CEACAM4: variants seen among roughly 807,000 people sequenced by gnomAD.
CEACAM4 encodes the protein cell adhesion molecule CEACAM4.
In CEACAM4, 30 loss-of-function variants were observed where a neutral mutation model predicts 28.7. The ratio of observed to expected loss-of-function variants is 1.05; its 90% CI spans 0.78 to 1.42. The LOEUF (loss-of-function observed/expected upper bound fraction) is 1.42, where lower values mean the gene tolerates loss of function less well. Among genes scored for constraint, CEACAM4 ranks in the 40% most tolerant of loss-of-function variants. The pLI is 0.00. For missense variants in CEACAM4, 330 were observed against 308.2 expected, an observed-to-expected ratio of 1.07 and a Z score of -0.53; for synonymous variants, 143 against 126.5, an observed-to-expected ratio of 1.13 and a Z score of -0.87.
At chr19:41,619,014 A>G (rs1555799759), downstream of CEACAM4, 6 of 369,056 alleles carry the variant, frequency 1.6e-5, no homozygotes, top group East Asian at 1.3e-4. Flanking sequence ...AAAAGAGCCA[A>G]TGAGAGGAAG....
the CEACAM4 span, among the ~76,000 whole-genome samples, chr19:41,613,774 T>C: frequency 4.0e-5 from 6 of 151,596 alleles, no homozygotes; most frequent in African/African-American, 1.5e-4. Context: ...AGGGAGGAGG[T>C]CACCAGGAGG....
At position 41,620,233 on chromosome 19, in the gene CEACAM4, G is replaced by T; in HGVS notation, c.605C>A (p.Pro202His). Residue 202 changes from proline to histidine, a missense_variant, in exon 5 of 7, where the codon CCC becomes CAC. Physicochemically the swap from Pro to His is moderately conservative, Grantham distance 77 (BLOSUM62 -2). Transcript: ENST00000221954. ...PPPASTPGHG[P>H]SHRSTFSAPL... Reference sequence around the variant, plus strand: ...TACCGAGAAGGTGGATCTGTGAGAGGGACCATGGCCTGGGGACAGAGACAG... The same window carrying T: ...TACCGAGAAGGTGGATCTGTGAGAGTGACCATGGCCTGGGGACAGAGACAG... 6.7e-7 allele frequency: 1 copy of T among 1,485,954 alleles called. No individual in the cohort carries two copies. The highest frequency in any genetic ancestry group is 8.9e-7 in the Non-Finnish European group (1 of 1,123,196). The allele number at this position is 1,485,954 out of a possible 1,614,324, so 92.0% of individuals were successfully genotyped here. A position where few individuals can be genotyped will look rare whatever the true frequency, so the allele number is the denominator to read the frequency against.
Position 41,626,975 on chromosome 19 carries a change from C to T in CEACAM4, c.-12G>A, listed in dbSNP as rs781863467. ...GAGGGGGGGCCCATGGTCTCTGCTGCCTGCTTGTCCTCTGTGGAGAGGAGC... is the reference window on the plus strand; with the variant it reads ...GAGGGGGGGCCCATGGTCTCTGCTGTCTGCTTGTCCTCTGTGGAGAGGAGC... On this transcript the variant is annotated 5_prime_UTR_variant, in exon 1 of 7. Coordinates refer to ENST00000221954, the MANE Select transcript of CEACAM4 (RefSeq NM_001817.4). 10 of 1,597,436 alleles carry T rather than the reference C, an allele frequency of 6.3e-6. No homozygotes were observed. In the South Asian group the frequency reaches 6.7e-5, roughly 11 times the overall value.
intron 4 of CEACAM4, 34 bp from the exon 5 acceptor site, chr19:41,620,276 G>C: frequency 6.9e-7 from 1 of 1,442,796 alleles, no homozygotes; most frequent in Non-Finnish European, 9.1e-7. Context: ...CAGCAGGGTG[G>C]GAGGAGAGCC....
At chr19:41,617,564 G>A (rs1330050984), downstream of CEACAM4, among the ~76,000 whole-genome samples, 1 of 152,192 alleles carries the variant, frequency 6.6e-6, no homozygotes, top group Non-Finnish European at 1.5e-5. Flanking sequence ...GTTTATCCCA[G>A]GTGCGTCCAA....
chr19:41,623,090 C>T (rs1555802329), intron 2 of CEACAM4, among the ~76,000 whole-genome samples: 2 of 152,218 alleles, frequency 1.3e-5, no homozygotes, highest in African/African-American at 2.4e-5. Flanking sequence ...AATCTAGGCT[C>T]ACCGCAACCT....
intron 2 of CEACAM4, among the ~76,000 whole-genome samples, chr19:41,623,447 C>G (rs1555802582): frequency 2.7e-5 from 3 of 110,322 alleles, no homozygotes; most frequent in Admixed American, 1.1e-4. Context: ...TTTTTTGCCT[C>G]TAGTCTGTCT....
chr19:41,619,675 A>G lies in CEACAM4; in HGVS notation c.664T>C (p.Tyr222His). ...CATCCATGGCCCACACTCACCTCAT[A>G]GATGGGAGTGGCTGTTCTGGGGCTG... ...LPSPRTATPIYEELLYSDANI... is the reference protein window; with the variant it reads ...LPSPRTATPIHEELLYSDANI... Residue 222 changes from tyrosine to histidine, a missense_variant, in exon 6 of 7, where the codon TAT (tyrosine) becomes CAT (histidine). Tyr to His is a moderately conservative substitution (Grantham distance 83, BLOSUM62 2). Coordinates refer to ENST00000221954, the MANE Select transcript of CEACAM4 (RefSeq NM_001817.4). 3 of 1,595,378 alleles carry G rather than the reference A, an allele frequency of 1.9e-6. No homozygotes were observed. The highest frequency in any genetic ancestry group is 2.7e-5 in the African/African-American group (2 of 74,710).
At chr19:41,626,081 T>A (rs1242176070) in intron 1 of CEACAM4, 121 bp from the exon 2 acceptor site, 2 of 270,926 alleles carry the variant, frequency 7.4e-6, no homozygotes, top group Non-Finnish European at 1.2e-5. Context: ...TGTGTGTGTG[T>A]GTGTGTGTGT....
chr19:41,619,784 G>T, intron 5 of CEACAM4, 73 bp from the exon 6 acceptor site: 1 of 1,288,070 alleles, frequency 7.8e-7, no homozygotes, highest in Non-Finnish European at 1.1e-6. Context: ...GAAGGTTCCT[G>T]TCTCTGATCG....
intron 2 of CEACAM4, among the ~76,000 whole-genome samples, chr19:41,623,527 G>A (rs1274693142): frequency 6.6e-6 from 1 of 150,580 alleles, no homozygotes; most frequent in East Asian, 2.0e-4. Flanking sequence ...GGCGTTCAGT[G>A]ATGCGGTGGT....
At chr19:41,613,905 C>G in the CEACAM4 span, among the ~76,000 whole-genome samples, 1 of 152,208 alleles carries the variant, frequency 6.6e-6, no homozygotes, top group African/African-American at 2.4e-5. Flanking sequence ...CAACTTCCAT[C>G]CAAAACGGAT....
intron 2 of CEACAM4, among the ~76,000 whole-genome samples, chr19:41,625,394 C>T (rs570349764): frequency 2.0e-5 from 3 of 152,266 alleles, no homozygotes; most frequent in Admixed American, 2.0e-4. Flanking sequence ...CCCGCCCCCG[C>T]CATCAGTGTC....
downstream of CEACAM4, among the ~76,000 whole-genome samples, chr19:41,614,925 G>A (rs1013777603): frequency 3.4e-5 from 5 of 148,604 alleles, no homozygotes; most frequent in Non-Finnish European, 5.9e-5. Context: ...GGAAGACGAA[G>A]GGATAGGGGT....
At chr19:41,614,336 A>G (rs781816002), downstream of CEACAM4, among the ~76,000 whole-genome samples, 18 of 152,324 alleles carry the variant, frequency 1.2e-4, 1 homozygote, top group Non-Finnish European at 2.5e-4. Context: ...GAGACAGAAC[A>G]GGCAAGCTTG....
chr19:41,619,416 C>T (rs1555800109), intron 6 of CEACAM4, 21 bp from the exon 7 acceptor site: 4 of 1,612,520 alleles, frequency 2.5e-6, no homozygotes, highest in Admixed American at 1.7e-5. Flanking sequence ...AGAGAAGAGG[C>T]CTCAACCCCT....
At chr19:41,619,540 C>A in intron 6 of CEACAM4, 130 bp downstream of exon 6, 1 of 1,540,128 alleles carries the variant, frequency 6.5e-7, no homozygotes. Context: ...CCCCTCCCTC[C>A]TCTGCTCACC....
At position 41,619,338 on chromosome 19, in the gene CEACAM4, C is replaced by A. The variant is rs782153195; in HGVS notation, c.727G>T (p.Val243Phe). Residue 243 changes from valine (V) to phenylalanine (F), a missense_variant, in exon 7 of 7, where the codon GTC (valine) becomes TTC (phenylalanine). Physicochemically the swap from Val to Phe is conservative, Grantham distance 50. Coordinates refer to ENST00000221954, the MANE Select transcript of CEACAM4 (RefSeq NM_001817.4). ...YCQIDHKADV[V>F]S is the part of the protein sequence containing the mutation. ...GCAGCTCCCAGAGGAACCTAAGAGA[C>A]CACATCTGCTTTGTGGTCGATCTGG... 6 of 1,613,942 alleles carry A rather than the reference C, an allele frequency of 3.7e-6. No individual in the cohort carries two copies. In the South Asian group the frequency reaches 5.5e-5, roughly 15 times the overall value.
chr19:41,616,950 A>T (rs1341964332), downstream of CEACAM4, among the ~76,000 whole-genome samples: 2 of 152,238 alleles, frequency 1.3e-5, no homozygotes, highest in Non-Finnish European at 2.9e-5. Context: ...AGGGAGTGGC[A>T]GCAGATGTGC....
Sources: allele counts gnomAD v4.1 joint callset (sites outside exome capture counted in the v4.1 genomes callset), GRCh38; gene constraint gnomAD v4.1.1; transcripts MANE v1.5; gene names NCBI Gene and HGNC (gene_info 2026-07-23, HGNC 2026-07-21).